Variants in TSPAN17 observed in about 807,000 individuals in gnomAD.
TSPAN17 encodes tetraspanin 17, also known as tetraspanin-17.
Under a neutral mutation model 40.5 loss-of-function variants are expected in TSPAN17, and 33 were observed. That is an observed-to-expected ratio of 0.81 (90% confidence interval 0.62 to 1.09). The LOEUF (loss-of-function observed/expected upper bound fraction) is 1.09. Ranked by LOEUF, TSPAN17 falls within the 50% of genes least tolerant of loss-of-function variation. The pLI, the probability that TSPAN17 is intolerant of heterozygous loss-of-function variation, is 0.00. For missense variants in TSPAN17, 365 were observed against 416.8 expected, an observed-to-expected ratio of 0.88 and a Z score of 1.08; for synonymous variants, 166 against 169.4, an observed-to-expected ratio of 0.98 and a Z score of 0.15.
rs959271128 is a variant in TSPAN17 at position 176,650,945 on chromosome 5, G to C, written c.88-671G>C. Among the ~76,000 whole-genome samples, 1 of 152,224 alleles carries C rather than the reference G, an allele frequency of 6.6e-6. No homozygotes were observed. Among genetic ancestry groups the C allele is most frequent in the Non-Finnish European group, 1.5e-5 (1 of 68,028 alleles). On this transcript the variant is annotated intron_variant, in intron 1 of 8. Transcript: ENST00000508164. This position sits in a 1 kb window ranked among gnomAD's most constrained non-coding sequence, Gnocchi z 4.0. ...GCTGAGGATGGAGGAGAGGCACTTG[G>C]ACTGCCCCGGTGGGGAGTCTAGCTG...
chr5:176,652,722 T>C, intron 3 of TSPAN17, 21 bp from the exon 4 acceptor site: 1 of 1,613,280 alleles, frequency 6.2e-7, no homozygotes, highest in Non-Finnish European at 8.5e-7. Flanking sequence ...CAACCCCTAC[T>C]GTCTGTATGC....
Position 176,647,647 on chromosome 5 carries a change from C to G in TSPAN17, c.32C>G (p.Pro11Arg). The change falls in exon 1 of 9, where the codon CCT becomes CGT. Residue 11 changes from proline to arginine, a missense_variant. Physicochemically the swap from Pro to Arg is moderately radical, Grantham distance 103. Coordinates refer to ENST00000508164, the MANE Select transcript of TSPAN17 (RefSeq NM_130465.5). MPGKHQHFQE[P>R]EVGCCGKYFL... ...GGCAAGCACCAGCATTTCCAGGAAC[C>G]TGAGGTCGGCTGCTGCGGGAAATAC... The G allele has an allele frequency of 6.2e-7, 1 of 1,600,070 alleles. No homozygotes were observed. Among genetic ancestry groups the G allele is most frequent in the Non-Finnish European group, 8.5e-7 (1 of 1,173,988 alleles).
chr5:176,651,964 A>G lies in TSPAN17; in HGVS notation c.285+64A>G. ...TCCTCCCATCCAGTTCTTGCAATAC[A>G]GTTGGAGCTTAATGATGGGTAGCTT... On this transcript the variant is annotated intron_variant, in intron 3 of 8. Transcript: ENST00000508164. The surrounding 1 kb of genome is among the most constrained non-coding windows in gnomAD (Gnocchi z 4.5). The G allele has an allele frequency of 6.3e-7, 1 of 1,592,014 alleles. No individual in the cohort carries two copies. Among genetic ancestry groups the G allele is most frequent in the Non-Finnish European group, 8.6e-7 (1 of 1,168,018 alleles).
At chr5:176,649,583 A>G (rs1232148981) in intron 1 of TSPAN17, among the ~76,000 whole-genome samples, 2 of 151,998 alleles carry the variant, frequency 1.3e-5, no homozygotes, top group Non-Finnish European at 2.9e-5. Flanking sequence ...GTGTGCCACC[A>G]CGCCTGGCTA....
intron 7 of TSPAN17, 21 bp downstream of exon 7, chr5:176,656,837 G>A (rs1761174062): frequency 3.1e-6 from 5 of 1,614,102 alleles, no homozygotes; most frequent in Non-Finnish European, 4.2e-6. Context: ...GGCCCCACGT[G>A]CCCCTCCCCT....
intron 6 of TSPAN17, 55 bp downstream of exon 6, chr5:176,656,180 A>G (rs759885636): frequency 1.3e-6 from 2 of 1,583,054 alleles, no homozygotes; most frequent in Non-Finnish European, 1.7e-6. Flanking sequence ...TGGGTTGGGT[A>G]TGAGAGTGTC....
In TSPAN17 at chr5:176,651,941, C is replaced by CTCCCATCCAGTTCTTGCAATA; in HGVS notation, c.285+42_285+62dup. 5.0e-6 allele frequency: 8 copies of CTCCCATCCAGTTCTTGCAATA among 1,610,842 alleles called. No homozygotes were observed. Among genetic ancestry groups the CTCCCATCCAGTTCTTGCAATA allele is most frequent in the Non-Finnish European group, 6.8e-6 (8 of 1,178,898 alleles). On this transcript the variant is annotated intron_variant, in intron 3 of 8. Coordinates refer to ENST00000508164, the MANE Select transcript of TSPAN17 (RefSeq NM_130465.5). The surrounding 1 kb of genome is among the most constrained non-coding windows in gnomAD (Gnocchi z 4.5). ...AAGATCCCCTGGGAACCCCCATCTC[C>CTCCCATCCAGTTCTTGCAATA]TCCCATCCAGTTCTTGCAATACAGT...
At position 176,656,832 on chromosome 5, in the gene TSPAN17, C is replaced by G; in HGVS notation, c.747+16C>G. The G allele has an allele frequency of 6.2e-7, 1 of 1,614,148 alleles. No homozygotes were observed. The highest frequency in any genetic ancestry group is 8.5e-7 in the Non-Finnish European group (1 of 1,179,976). ...CCTCCTCCAGGTACCCTTGTGGCCCCACGTGCCCCTCCCCTTGCCGGGGCC... is the reference window on the plus strand; with the variant it reads ...CCTCCTCCAGGTACCCTTGTGGCCCGACGTGCCCCTCCCCTTGCCGGGGCC... On this transcript the variant is annotated intron_variant, in intron 7 of 8. Coordinates refer to ENST00000508164, the MANE Select transcript of TSPAN17 (RefSeq NM_130465.5).
chr5:176,651,790 G>C lies in TSPAN17; in HGVS notation c.175G>C (p.Gly59Arg). ...LSNISALTDLGGLDPVWLFVV... is the reference protein window; with the variant it reads ...LSNISALTDLRGLDPVWLFVV... Reference sequence around the variant, plus strand: ...GAACATCTCAGCGCTGACAGATCTGGGAGGCCTTGACCCCGTGTGGCTGTT... The same window carrying C: ...GAACATCTCAGCGCTGACAGATCTGCGAGGCCTTGACCCCGTGTGGCTGTT... Residue 59 changes from glycine to arginine, a missense_variant, in exon 3 of 9, where the codon GGA (glycine) becomes CGA (arginine). By Grantham distance (125) the Gly-to-Arg change is moderately radical. Transcript: ENST00000508164. This position sits in a 1 kb window ranked among gnomAD's most constrained non-coding sequence, Gnocchi z 4.5. The C allele has an allele frequency of 6.2e-7, 1 of 1,614,136 alleles. No individual in the cohort carries two copies. The highest frequency in any genetic ancestry group is 8.5e-7 in the Non-Finnish European group (1 of 1,179,998).
At position 176,654,728 on chromosome 5, in the gene TSPAN17, C is replaced by A; in HGVS notation, c.457-167C>A. ...CTTGCACCCCTCTGCCTCCACCAGC[C>A]TGGAGGTTGGGCCCAGGCCTGTGGG... On this transcript the variant is annotated intron_variant, in intron 4 of 8. Transcript: ENST00000508164. The surrounding 1 kb of genome is among the most constrained non-coding windows in gnomAD (Gnocchi z 4.3). 8 of 785,928 alleles carry A rather than the reference C, an allele frequency of 1.0e-5. No homozygotes were observed. 48.7% of individuals were successfully genotyped at this position (785,928 alleles called of 1,614,324 possible).
chr5:176,647,808 G>A (rs769644290), intron 1 of TSPAN17, 106 bp downstream of exon 1: 390 of 1,128,284 alleles, frequency 3.5e-4, no homozygotes, highest in Non-Finnish European at 4.5e-4. Flanking sequence ...TTTGGAGCTC[G>A]GGACCATCCC....
intron 1 of TSPAN17, among the ~76,000 whole-genome samples, chr5:176,649,149 G>A (rs1177524857): frequency 6.6e-6 from 1 of 152,144 alleles, no homozygotes; most frequent in Non-Finnish European, 1.5e-5. Flanking sequence ...GCTGTGTGGA[G>A]GGTGGATGAG....
chr5:176,651,782 CAG>C lies in TSPAN17; in HGVS notation c.169_170del (p.Asp57SerfsTer5), dbSNP rs1487166195. 1 of 1,614,184 alleles carries C rather than the reference CAG, an allele frequency of 6.2e-7. No individual in the cohort carries two copies. Among genetic ancestry groups the C allele is most frequent in the South Asian group, 1.1e-5 (1 of 91,084 alleles). ...GTTCTCTCGAACATCTCAGCGCTGA[CAG>C]ATCTGGGAGGCCTTGACCCCGTGTG... On this transcript the variant is annotated frameshift_variant, in exon 3 of 9. Transcript: ENST00000508164. LOFTEE classifies it high-confidence loss of function. This position sits in a 1 kb window ranked among gnomAD's most constrained non-coding sequence, Gnocchi z 4.5.
In TSPAN17 at chr5:176,651,352, C is replaced by T. The variant is rs535035231; in HGVS notation, c.88-264C>T. On this transcript the variant is annotated intron_variant, in intron 1 of 8. Transcript: ENST00000508164. This position sits in a 1 kb window ranked among gnomAD's most constrained non-coding sequence, Gnocchi z 4.5. ...TCCTTGGCAGGAGTGTCTTGGCCACCGTCTGCTCCAATTTGGAGTTCCAGG... is the reference window on the plus strand; with the variant it reads ...TCCTTGGCAGGAGTGTCTTGGCCACTGTCTGCTCCAATTTGGAGTTCCAGG... Among the ~76,000 whole-genome samples the T allele has an allele frequency of 5.3e-5, 8 of 152,310 alleles. No homozygotes were observed. Among genetic ancestry groups the T allele is most frequent in the Admixed American group, 1.3e-4 (2 of 15,302 alleles).
chr5:176,655,937 T>C, intron 5 of TSPAN17, 141 bp from the exon 6 acceptor site: 4 of 735,236 alleles, frequency 5.4e-6, no homozygotes, highest in South Asian at 4.5e-5. Context: ...TCAGAGAGGC[T>C]CACTTAAGAC....
At chr5:176,655,942 T>G (rs1328579204) in intron 5 of TSPAN17, 136 bp from the exon 6 acceptor site, 24 of 800,086 alleles carry the variant, frequency 3.0e-5, no homozygotes, top group Non-Finnish European at 5.1e-5. Context: ...GAGGCTCACT[T>G]AAGACTGGTG....
chr5:176,656,272 G>A (rs111470716), intron 6 of TSPAN17, 147 bp downstream of exon 6: 27 of 845,834 alleles, frequency 3.2e-5, no homozygotes, highest in Middle Eastern at 5.3e-4. Context: ...CCCAGGCAGC[G>A]GAGGGGGAGT....
chr5:176,655,984 C>A, intron 5 of TSPAN17, 94 bp from the exon 6 acceptor site: 1 of 1,141,790 alleles, frequency 8.8e-7, no homozygotes, highest in Non-Finnish European at 1.3e-6. Flanking sequence ...CCATCTGCGT[C>A]CTCTGAGAAG....
chr5:176,649,903 T>C (rs953253492), intron 1 of TSPAN17, among the ~76,000 whole-genome samples: 1 of 152,220 alleles, frequency 6.6e-6, no homozygotes, highest in African/African-American at 2.4e-5. Context: ...CTTTTCATCA[T>C]TCAAACCTCA....
Sources: gnomAD v4.1 joint callset for allele counts (sites outside exome capture counted in the v4.1 genomes callset) on GRCh38, gnomAD v4.1.1 for gene constraint, Gnocchi (gnomAD v3.1) non-coding constraint, MANE v1.5 for transcripts, NCBI Gene and HGNC (gene_info 2026-07-23, HGNC 2026-07-21) for gene names.